MTMR3: variants seen among roughly 807,000 people sequenced by gnomAD.
MTMR3 encodes phosphatidylinositol-3,5-bisphosphate 3-phosphatase MTMR3.
In MTMR3, 32 loss-of-function variants were observed where a neutral mutation model predicts 132.4. The ratio of observed to expected loss-of-function variants is 0.24; its 90% CI spans 0.18 to 0.32. The LOEUF (loss-of-function observed/expected upper bound fraction) is 0.32. Among genes scored for constraint, MTMR3 ranks in the 10% least tolerant of loss-of-function variants. The probability of loss-of-function intolerance (pLI) is 1.00; values close to 1 mark genes in which losing one functional copy is unlikely to be tolerated. For synonymous variants in MTMR3, 556 were observed against 550.3 expected (o/e 1.01, Z -0.14); for missense variants, 1,216 against 1,489.6 (o/e 0.82, Z 3.02).
intron 15 of MTMR3, 26 bp from the exon 16 acceptor site, chr22:30,017,901 A>C: frequency 1.2e-6 from 2 of 1,611,900 alleles, no homozygotes; most frequent in Non-Finnish European, 1.7e-6. Context: ...GGGCATATTT[A>C]AACCTGTGTC....
intron 5 of MTMR3, 64 bp from the exon 6 acceptor site, chr22:29,988,416 C>T: frequency 8.3e-7 from 1 of 1,202,084 alleles, no homozygotes; most frequent in Non-Finnish European, 1.2e-6. Context: ...TTGTTGGACA[C>T]ATTGAAGAAC....
At chr22:29,924,202 T>A (rs1162568029) in intron 1 of MTMR3, among the ~76,000 whole-genome samples, 1 of 152,212 alleles carries the variant, frequency 6.6e-6, no homozygotes, top group Non-Finnish European at 1.5e-5. Flanking sequence ...AGTTAATTTT[T>A]AAATTAACTC....
chr22:29,923,375 A>AT (rs552417619), intron 1 of MTMR3, among the ~76,000 whole-genome samples: 86 of 150,674 alleles, frequency 5.7e-4, no homozygotes, highest in South Asian at 2.9e-3. Context: ...CCCAGCTTGT[A>AT]TTTTTTTTAT....
intron 1 of MTMR3, among the ~76,000 whole-genome samples, chr22:29,936,065 T>C: frequency 6.6e-6 from 1 of 152,080 alleles, no homozygotes; most frequent in Non-Finnish European, 1.5e-5. Context: ...ATGCCCACTT[T>C]TAGGGGAAAA....
chr22:30,011,383 G>T (rs2067418706), intron 12 of MTMR3: 1 of 152,176 alleles, frequency 6.6e-6, no homozygotes, highest in Admixed American at 6.5e-5. Context: ...CCGAAAGTGA[G>T]ATGGAGTCTC....
At chr22:29,973,834 G>A (rs180873978) in intron 3 of MTMR3, among the ~76,000 whole-genome samples, 415 of 152,084 alleles carry the variant, frequency 2.7e-3, no homozygotes, top group African/African-American at 9.4e-3. Flanking sequence ...CCTGACCTCA[G>A]GTGATCCATC....
At position 30,020,843 on chromosome 22, in the gene MTMR3, A is replaced by G. The variant is rs1437938897; in HGVS notation, c.3184A>G (p.Thr1062Ala). 6.2e-7 allele frequency: 1 copy of G among 1,606,668 alleles called. No homozygotes were observed. Among genetic ancestry groups the G allele is most frequent in the Non-Finnish European group, 8.5e-7 (1 of 1,176,060 alleles). The change falls in exon 17 of 20, where the codon ACC becomes GCC. Residue 1062 changes from threonine to alanine, a missense_variant. Coordinates refer to ENST00000401950, the MANE Select transcript of MTMR3 (RefSeq NM_021090.4). ...GAGTCGCCTGGAGAGCCAGTACCTG[A>G]CCAGCTCCCTACACTTTAATGGAGA... ...LKSRLESQYL[T>A]SSLHFNGDFG...
At chr22:29,955,028 T>G (rs1156535299) in intron 1 of MTMR3, among the ~76,000 whole-genome samples, 1 of 152,226 alleles carries the variant, frequency 6.6e-6, no homozygotes, top group African/African-American at 2.4e-5. Context: ...CTTACTTTGT[T>G]GGCCAGGCTG....
At chr22:30,006,983 C>A in intron 9 of MTMR3, 131 bp from the exon 10 acceptor site, 1 of 829,910 alleles carries the variant, frequency 1.2e-6, no homozygotes, top group Non-Finnish European at 1.9e-6. Flanking sequence ...CTCTTTAATA[C>A]TGAGAGGACT....
chr22:29,972,124 A>G (rs2066548270), intron 3 of MTMR3, among the ~76,000 whole-genome samples: 2 of 152,240 alleles, frequency 1.3e-5, no homozygotes, highest in African/African-American at 4.8e-5. Context: ...GATTTATCTT[A>G]TACCTAAACA....
chr22:29,912,949 A>G (rs2065242294), intron 1 of MTMR3, among the ~76,000 whole-genome samples: 1 of 152,138 alleles, frequency 6.6e-6, no homozygotes, highest in South Asian at 2.1e-4. Flanking sequence ...CTCCATCGAA[A>G]GGGTCTTAGT....
intron 2 of MTMR3, among the ~76,000 whole-genome samples, chr22:29,966,622 A>G (rs747041735): frequency 6.6e-6 from 1 of 152,118 alleles, no homozygotes; most frequent in African/African-American, 2.4e-5. Flanking sequence ...CATTTTGTGT[A>G]AGAAAGGCGG....
chr22:29,956,507 A>G (rs1314991631), intron 1 of MTMR3, among the ~76,000 whole-genome samples: 1 of 152,126 alleles, frequency 6.6e-6, no homozygotes, highest in Non-Finnish European at 1.5e-5. Flanking sequence ...TTGGCCTCCC[A>G]AAGTGCTGGG....
At chr22:29,975,605 G>GT (rs1491465547) in intron 3 of MTMR3, among the ~76,000 whole-genome samples, 4 of 152,164 alleles carry the variant, frequency 2.6e-5, no homozygotes, top group South Asian at 2.1e-4. Flanking sequence ...CAAGTGATGT[G>GT]TTTTTTTGTT....
intron 1 of MTMR3, among the ~76,000 whole-genome samples, chr22:29,884,551 CTTTTTTTTTTTTTTTT>C (rs35960936): frequency 5.1e-4 from 32 of 62,684 alleles, no homozygotes; most frequent in South Asian, 3.3e-3. Context: ...CAGAATGACA[CTTTTTTTTTTTTTTTT>C]TTTTTTTTTT....
At chr22:29,972,936 TA>T (rs1377937646) in intron 3 of MTMR3, among the ~76,000 whole-genome samples, 1 of 151,836 alleles carries the variant, frequency 6.6e-6, no homozygotes, top group Non-Finnish European at 1.5e-5. Flanking sequence ...AATGATAAAA[TA>T]ATTAAGTTTC....
intron 9 of MTMR3, 63 bp from the exon 10 acceptor site, chr22:30,007,051 A>G (rs752918640): frequency 6.4e-7 from 1 of 1,567,630 alleles, no homozygotes; most frequent in South Asian, 1.1e-5. Context: ...CTTAAAATCT[A>G]TTTTGTGTGA....
chr22:29,919,130 A>G (rs1430438603), intron 1 of MTMR3, among the ~76,000 whole-genome samples: 1 of 152,208 alleles, frequency 6.6e-6, no homozygotes, highest in African/African-American at 2.4e-5. Context: ...CGGAAAATAT[A>G]TGACTGCATG....
chr22:29,967,190 CTGTT>C (rs1182748378), intron 2 of MTMR3, among the ~76,000 whole-genome samples: 1 of 102,506 alleles, frequency 9.8e-6, no homozygotes, highest in African/African-American at 3.8e-5. Flanking sequence ...CTCTTCACCT[CTGTT>C]GTGTGTGTGT....
Sources: gnomAD v4.1 joint callset for allele counts (sites outside exome capture counted in the v4.1 genomes callset) on GRCh38, gnomAD v4.1.1 for gene constraint, MANE v1.5 for transcripts, NCBI Gene and HGNC (gene_info 2026-07-23, HGNC 2026-07-21) for gene names.